EYS: variants seen among roughly 807,000 people sequenced by gnomAD.
EYS encodes the protein EGF-like photoreceptor maintenance factor, also known as protein eyes shut homolog.
Under a neutral mutation model 282.1 loss-of-function variants are expected in EYS, and 250 were observed. The ratio of observed to expected loss-of-function variants is 0.89; its 90% CI spans 0.80 to 0.98. The LOEUF (loss-of-function observed/expected upper bound fraction) is 0.98, where lower values mean the gene tolerates loss of function less well. Ranked by LOEUF, EYS falls within the 50% of genes least tolerant of loss-of-function variation. The pLI is 0.00. For synonymous variants in EYS, 1,355 were observed against 1,282.9 expected (o/e 1.06, Z -1.20); for missense variants, 4,016 against 3,709.0 (o/e 1.08, Z -2.15).
chr6:63,903,005 G>C (rs1474674790), intron 35 of EYS, among the ~76,000 whole-genome samples: 1 of 152,154 alleles, frequency 6.6e-6, no homozygotes, highest in Admixed American at 6.5e-5. Flanking sequence ...GAAGGAAAGA[G>C]TGAATAGCTT....
intron 19 of EYS, among the ~76,000 whole-genome samples, chr6:64,843,031 G>C (rs1359625386): frequency 6.6e-6 from 1 of 152,060 alleles, no homozygotes; most frequent in Non-Finnish European, 1.5e-5. Flanking sequence ...TCTCATCACA[G>C]ACCCAGAATG....
rs1771790437 is a variant in EYS, at chr6:63,835,830, G to T, written c.7228+28356C>A. ...AACTTTGACATAATAGAAGGAAGTA[G>T]AAAAAAGTGATAAATTTGGCTATTT... On this transcript the variant is annotated intron_variant, in intron 36 of 42. Coordinates refer to ENST00000503581, the MANE Select transcript of EYS (RefSeq NM_001142800.2). Among the ~76,000 whole-genome samples, 3 of 152,078 alleles carry T rather than the reference G, an allele frequency of 2.0e-5. No individual in the cohort carries two copies. The South Asian group carries it at 6.2e-4, about 32-fold the overall frequency.
chr6:63,788,807 G>C (rs182091939), intron 38 of EYS, among the ~76,000 whole-genome samples: 1 of 152,122 alleles, frequency 6.6e-6, no homozygotes, highest in East Asian at 1.9e-4. Context: ...TTGAAGTTAC[G>C]CTCAAGCATC....
chr6:64,715,522 A>G (rs1470730010), intron 22 of EYS, among the ~76,000 whole-genome samples: 1 of 152,216 alleles, frequency 6.6e-6, no homozygotes, highest in Non-Finnish European at 1.5e-5. Flanking sequence ...ATCCTCTTCT[A>G]GCACAGACAA....
intron 11 of EYS, among the ~76,000 whole-genome samples, chr6:65,297,818 G>A (rs1393810792): frequency 6.6e-6 from 1 of 151,970 alleles, no homozygotes; most frequent in Non-Finnish European, 1.5e-5. Flanking sequence ...AAAAAACCTA[G>A]GTAAATTCAA....
chr6:65,290,238 A>T (rs992180142), intron 12 of EYS, among the ~76,000 whole-genome samples: 2 of 151,022 alleles, frequency 1.3e-5, no homozygotes, highest in African/African-American at 4.8e-5. Context: ...TGGAGAAAGG[A>T]CTCTGTCATT....
At chr6:64,113,899 C>T (rs977849831) in intron 31 of EYS, among the ~76,000 whole-genome samples, 14 of 152,154 alleles carry the variant, frequency 9.2e-5, no homozygotes, top group African/African-American at 3.4e-4. Flanking sequence ...AGCATGCTTT[C>T]AGTTTTTGTA....
rs1435253084 is a variant in EYS at position 64,149,790 on chromosome 6, C to T, written c.6425-67788G>A. Among the ~76,000 whole-genome samples, 3 of 152,284 alleles carry T rather than the reference C, an allele frequency of 2.0e-5. No homozygotes were observed. In the East Asian group the frequency reaches 5.8e-4, roughly 29 times the overall value. On this transcript the variant is annotated intron_variant, in intron 31 of 42. Coordinates refer to ENST00000503581, the MANE Select transcript of EYS (RefSeq NM_001142800.2). The stretch of plus-strand genomic sequence containing the variant: ...TCTCTTAGCCATTGTGTTATATTGT[C>T]TCTATGTCTGAGTTAACCTCACAGA...
At chr6:63,933,233 A>T (rs561029329) in intron 35 of EYS, among the ~76,000 whole-genome samples, 1 of 152,004 alleles carries the variant, frequency 6.6e-6, no homozygotes, top group South Asian at 2.1e-4. Flanking sequence ...TTTTATTTTA[A>T]TTTAGTTTTA....
intron 35 of EYS, among the ~76,000 whole-genome samples, chr6:63,951,092 G>A (rs113455233): frequency 0.23 from 34,171 of 151,658 alleles, 4,815 homozygotes; most frequent in Admixed American, 0.35. Context: ...CCTTCTCTCC[G>A]TGTCTCTACC....
At chr6:65,373,169 C>A (rs959071941) in intron 8 of EYS, among the ~76,000 whole-genome samples, 37 of 152,112 alleles carry the variant, frequency 2.4e-4, no homozygotes, top group Admixed American at 6.5e-4. Context: ...ACTAACAGAG[C>A]CACTCTGTGA....
chr6:65,290,022 A>G (rs2150282248), intron 12 of EYS, among the ~76,000 whole-genome samples: 1 of 151,312 alleles, frequency 6.6e-6, no homozygotes, highest in Non-Finnish European at 1.5e-5. Flanking sequence ...AATGAAAATC[A>G]AGTCTGAAAT....
At chr6:63,913,370 C>G (rs1453805527) in intron 35 of EYS, among the ~76,000 whole-genome samples, 1 of 152,200 alleles carries the variant, frequency 6.6e-6, no homozygotes, top group Admixed American at 6.5e-5. Flanking sequence ...AAAATTCACT[C>G]ATTTAAGGCA....
At chr6:63,889,702 A>C (rs1773359467) in intron 35 of EYS, among the ~76,000 whole-genome samples, 1 of 152,200 alleles carries the variant, frequency 6.6e-6, no homozygotes. Flanking sequence ...ACTATGAAGA[A>C]ACTGCATCAA....
intron 19 of EYS, among the ~76,000 whole-genome samples, chr6:64,826,413 C>A (rs916132061): frequency 2.6e-5 from 4 of 151,682 alleles, no homozygotes; most frequent in Non-Finnish European, 5.9e-5. Context: ...ATAATGCAGG[C>A]AATTCCTTTT....
chr6:65,087,425 G>T (rs1447659235), intron 12 of EYS, among the ~76,000 whole-genome samples: 1 of 152,082 alleles, frequency 6.6e-6, no homozygotes, highest in African/African-American at 2.4e-5. Flanking sequence ...ATTCAAAATT[G>T]TCAACAATTC....
At chr6:64,146,555 T>C (rs914382324) in intron 31 of EYS, among the ~76,000 whole-genome samples, 2 of 152,102 alleles carry the variant, frequency 1.3e-5, no homozygotes, top group Non-Finnish European at 2.9e-5. Context: ...AAAGCACATA[T>C]GGGTATGCCA....
intron 12 of EYS, among the ~76,000 whole-genome samples, chr6:65,109,936 T>C (rs1302097480): frequency 6.6e-6 from 1 of 152,186 alleles, no homozygotes; most frequent in Admixed American, 6.6e-5. Context: ...GAATCAAAAA[T>C]GTTATTCCCT....
intron 24 of EYS, among the ~76,000 whole-genome samples, chr6:64,607,986 ATAGT>A (rs1389117873): frequency 6.6e-6 from 1 of 152,162 alleles, no homozygotes; most frequent in Admixed American, 6.6e-5. Context: ...AGCCTGGCAA[ATAGT>A]TAGGCTTCCT....
Sources: allele counts gnomAD v4.1 joint callset (sites outside exome capture counted in the v4.1 genomes callset), GRCh38; gene constraint gnomAD v4.1.1; transcripts MANE v1.5; gene names NCBI Gene and HGNC (gene_info 2026-07-23, HGNC 2026-07-21).